Variants in WIZ observed in about 807,000 individuals in gnomAD.
WIZ encodes the protein protein Wiz.
A neutral mutation model predicts 140.2 loss-of-function variants in WIZ; 25 were observed. The ratio of observed to expected loss-of-function variants is 0.18; its 90% confidence interval spans 0.13 to 0.25. The LOEUF is 0.25. Among genes scored for constraint, WIZ ranks in the 10% least tolerant of loss-of-function variants. WIZ has a pLI of 1.00. For synonymous variants in WIZ, 1,125 were observed against 1,154.3 expected (o/e 0.97, Z 0.51); for missense variants, 2,231 against 2,632.6 (o/e 0.85, Z 3.34).
intron 9 of WIZ, among the ~76,000 whole-genome samples, chr19:15,426,390 A>G (rs371657822): frequency 2.0e-5 from 3 of 152,202 alleles, no homozygotes; most frequent in African/African-American, 2.4e-5. Context: ...TGACATTACA[A>G]TGATGGCATA....
rs1230557584 is a variant in WIZ, at chr19:15,439,146, C to A, written c.1848G>T (p.Glu616Asp). 6.6e-7 allele frequency: 1 copy of A among 1,522,412 alleles called. No individual in the cohort carries two copies. Among genetic ancestry groups the A allele is most frequent in the East Asian group, 2.5e-5 (1 of 40,792 alleles). 94.3% of individuals were successfully genotyped at this position (1,522,412 alleles called of 1,614,324 possible). ...LGERRRPWSE[E>D]EEEEEEEEDV... ...CCTCCTCCTCCTCCTCCTCCTCCTC[C>A]TCTTCGCTCCAAGGGCGCCTCCGTT... is the stretch of plus-strand genomic sequence containing the variant. The change falls in exon 4 of 13, where the codon GAG becomes GAT. Residue 616 changes from glutamate to aspartate, a missense_variant. Coordinates refer to ENST00000673675, the MANE Select transcript of WIZ (RefSeq NM_001371589.1). The surrounding 1 kb of genome is among the most constrained non-coding windows in gnomAD (Gnocchi z 7.0).
At chr19:15,425,793 AAGGAGGAGG>A (rs753722714) in intron 9 of WIZ, 25 bp from the exon 10 acceptor site, 3 of 1,050,852 alleles carry the variant, frequency 2.9e-6, no homozygotes, top group African/African-American at 5.7e-5. Context: ...GGGTAGGGGG[AAGGAGGAGG>A]AGGAGGAGGA....
At chr19:15,426,938 C>T (rs764175459) in intron 9 of WIZ, 44 bp downstream of exon 9, 1 of 1,559,906 alleles carries the variant, frequency 6.4e-7, no homozygotes, top group Non-Finnish European at 8.7e-7. Context: ...AGGGAGGAGA[C>T]CCCTCCAACT....
chr19:15,447,962 C>G, intron 2 of WIZ, 141 bp downstream of exon 2: 1 of 972,630 alleles, frequency 1.0e-6, no homozygotes, highest in South Asian at 1.4e-5. Context: ...AGAAACTAAA[C>G]AGAGTACAAA....
chr19:15,422,902 G>A lies in WIZ; in HGVS notation c.*174C>T, dbSNP rs147533722. On this transcript the variant is annotated 3_prime_UTR_variant, in exon 13 of 13. Transcript: ENST00000673675. ...GAGTCCTCGGGCTGGGGGAAGGGCA[G>A]CTAGCTGGCTCCCGGCGCCCTGGCT... The A allele has an allele frequency of 2.1e-6, 2 of 946,684 alleles. No individual in the cohort carries two copies. The highest frequency in any genetic ancestry group is 5.4e-5 in the East Asian group (2 of 36,954). 58.6% of individuals were successfully genotyped at this position (946,684 alleles called of 1,614,324 possible). A position where few individuals can be genotyped will look rare whatever the true frequency, so the allele number is the denominator to read the frequency against.
At position 15,438,714 on chromosome 19, in the gene WIZ, GT is replaced by G; in HGVS notation, c.2279del (p.Asn760ThrfsTer13). 3 of 1,536,180 alleles carry G rather than the reference GT, an allele frequency of 2.0e-6. No individual in the cohort carries two copies. Among genetic ancestry groups the G allele is most frequent in the Non-Finnish European group, 2.6e-6 (3 of 1,146,888 alleles). On this transcript the variant is annotated frameshift_variant, in exon 4 of 13. Transcript: ENST00000673675. LOFTEE classifies it high-confidence loss of function. ...GGACGTGGTTGGCCAAGCCGATGCCGTTGTGGAAGCGATCGGGGCAGTAGGG... is the reference window on the plus strand; with the variant it reads ...GGACGTGGTTGGCCAAGCCGATGCCGTGTGGAAGCGATCGGGGCAGTAGGG... ...KCPYCPDRFH[N>X]GIGLANHVRG... is the part of the protein sequence containing the mutation.
At position 15,428,324 on chromosome 19, in the gene WIZ, G is replaced by C; in HGVS notation, c.3600C>G (p.Ile1200Met). 1 of 1,534,426 alleles carries C rather than the reference G, an allele frequency of 6.5e-7. No individual in the cohort carries two copies. Among genetic ancestry groups the C allele is most frequent in the Non-Finnish European group, 8.7e-7 (1 of 1,146,310 alleles). ...GGGCGCCGCGCCTGGGTGGGAGGCG[G>C]ATCTGGACGCCGTCCCTCCTGATGA... ...HGLIRRDGVQ[I>M]RLPPRRGALA... Residue 1200 changes from isoleucine (I) to methionine (M), a missense_variant, in exon 8 of 13, where the codon ATC becomes ATG. Ile to Met is a conservative substitution (Grantham distance 10). Transcript: ENST00000673675. This position sits in a 1 kb window ranked among gnomAD's most constrained non-coding sequence, Gnocchi z 6.4.
At chr19:15,429,483 CG>C in intron 7 of WIZ, 102 bp downstream of exon 7, 21 of 927,814 alleles carry the variant, frequency 2.3e-5, no homozygotes, top group East Asian at 6.5e-5. Context: ...TAGTCCCCAC[CG>C]CCCCCACCCA....
rs768075696 is a variant in WIZ, at chr19:15,425,440, C to T, written c.4695G>A (p.Pro1565=). ...GGCTGAGCTCACGAGGAACCTGGGCCGGCCCTGCACCTGGTTTGCCTGGCC... is the reference window on the plus strand; with the variant it reads ...GGCTGAGCTCACGAGGAACCTGGGCTGGCCCTGCACCTGGTTTGCCTGGCC... ...AGRPGKPGAG[P]AQVPRELSLT... is the part of the protein sequence containing the mutation. The change falls in exon 10 of 13, where the codon CCG becomes CCA. Residue 1565 remains proline, a synonymous_variant. Coordinates refer to ENST00000673675, the MANE Select transcript of WIZ (RefSeq NM_001371589.1). 5.5e-5 allele frequency: 86 copies of T among 1,570,916 alleles called. 3 individuals carry two copies. The Admixed American group carries it at 7.9e-4, about 15-fold the overall frequency.
At chr19:15,447,405 G>A (rs1969955573) in intron 2 of WIZ, among the ~76,000 whole-genome samples, 1 of 152,198 alleles carries the variant, frequency 6.6e-6, no homozygotes, top group South Asian at 2.1e-4. Flanking sequence ...TGCCTTCACA[G>A]CATCTGTCAC....
chr19:15,435,793 G>A (rs1386998943), intron 5 of WIZ, among the ~76,000 whole-genome samples: 1 of 151,730 alleles, frequency 6.6e-6, no homozygotes, highest in Non-Finnish European at 1.5e-5. Flanking sequence ...CTGCATTCCA[G>A]CCTGGGTGGC....
At chr19:15,431,235 C>A in intron 5 of WIZ, 53 bp from the exon 6 acceptor site, 1 of 1,449,810 alleles carries the variant, frequency 6.9e-7, no homozygotes, top group Non-Finnish European at 9.1e-7. Flanking sequence ...CTGTCTATAC[C>A]CAGAACTAAG....
rs1371062108 is a variant in WIZ at position 15,428,990 on chromosome 19, A to G, written c.3416-482T>C. ...CCCAGACTCTAATGTCCACAAAGAT[A>G]TGGGAAAGCCTGATGTTGTAAGGGA... On this transcript the variant is annotated intron_variant, in intron 7 of 12. Transcript: ENST00000673675. The surrounding 1 kb of genome is among the most constrained non-coding windows in gnomAD (Gnocchi z 6.4). Among the ~76,000 whole-genome samples, 1 of 152,134 alleles carries G rather than the reference A, an allele frequency of 6.6e-6. No homozygotes were observed. The highest frequency in any genetic ancestry group is 1.5e-5 in the Non-Finnish European group (1 of 68,000).
chr19:15,429,152 G>C (rs556745088), intron 7 of WIZ, among the ~76,000 whole-genome samples: 1 of 152,284 alleles, frequency 6.6e-6, no homozygotes, highest in Non-Finnish European at 1.5e-5. Flanking sequence ...CAGCCAGGAA[G>C]ACTTGATGAC....
rs1568293503 is a variant in WIZ, at chr19:15,427,247, C to T, written c.4101G>A (p.Ser1367=). The change falls in exon 9 of 13, where the codon TCG becomes TCA. Residue 1367 remains serine, a synonymous_variant. Transcript: ENST00000673675. The surrounding 1 kb of genome is among the most constrained non-coding windows in gnomAD (Gnocchi z 6.4). The part of the protein sequence containing the change: ...PGSSLEARSP[S]DLHISPLAKK... ...TGGCCAAGGGTGAGATGTGAAGGTC[C>T]GAGGGGCTGCGGGCTTCCAGTGAGC... is the stretch of plus-strand genomic sequence containing the variant. The T allele has an allele frequency of 2.5e-6, 4 of 1,613,800 alleles. No homozygotes were observed. The highest frequency in any genetic ancestry group is 2.2e-5 in the South Asian group (2 of 91,054).
In WIZ at chr19:15,437,093, C is replaced by T. The variant is rs1279747821; in HGVS notation, c.2453G>A (p.Arg818His). The T allele has an allele frequency of 8.7e-6, 14 of 1,611,200 alleles. No homozygotes were observed. The highest frequency in any genetic ancestry group is 5.5e-5 in the South Asian group (5 of 90,716). Reference sequence around the variant, plus strand: ...GAAGCCAGCCCCGCAGAAGTCACAGCGCATCAGGCTGAAGGTGCCTGGGTC... The same window carrying T: ...GAAGCCAGCCCCGCAGAAGTCACAGTGCATCAGGCTGAAGGTGCCTGGGTC... ...NFDPGTFSLM[R>H]CDFCGAGFDT... Residue 818 changes from arginine (R) to histidine (H), a missense_variant, in exon 5 of 13, where the codon CGC (arginine) becomes CAC (histidine). Physicochemically the swap from Arg to His is conservative, Grantham distance 29 (BLOSUM62 0). Around this residue, in one of 15 missense-constraint regions of WIZ, gnomAD observed 118 missense variants for 209.1 expected, o/e 0.56. Coordinates refer to ENST00000673675, the MANE Select transcript of WIZ (RefSeq NM_001371589.1).
At chr19:15,448,396 G>C (rs993051950) in intron 1 of WIZ, 29 bp from the exon 2 acceptor site, 1 of 1,499,316 alleles carries the variant, frequency 6.7e-7, no homozygotes, top group African/African-American at 1.4e-5. Flanking sequence ...AAGTGCTTAG[G>C]GGATGGAGGA....
At chr19:15,432,567 T>A in intron 5 of WIZ, 1 of 477,362 alleles carries the variant, frequency 2.1e-6, no homozygotes, top group Non-Finnish European at 2.7e-6. Context: ...GCGCGGGGGG[T>A]GCCGCGGGGC....
intron 2 of WIZ, among the ~76,000 whole-genome samples, chr19:15,443,943 C>T (rs915387996): frequency 3.3e-5 from 5 of 152,160 alleles, no homozygotes; most frequent in South Asian, 2.1e-4. Flanking sequence ...CTCTATTATC[C>T]GCCTGTGGAG....
Sources: gnomAD v4.1 joint callset for allele counts (sites outside exome capture counted in the v4.1 genomes callset) on GRCh38, gnomAD v4.1.1 for gene constraint, gnomAD v4.1.1 regional missense constraint, Gnocchi (gnomAD v3.1) non-coding constraint, MANE v1.5 for transcripts, NCBI Gene and HGNC (gene_info 2026-07-23, HGNC 2026-07-21) for gene names.